Variants in UNC5D observed in about 807,000 individuals in gnomAD.
UNC5D encodes unc-5 netrin receptor D, also known as netrin receptor UNC5D.
Under a neutral mutation model 105.4 loss-of-function variants are expected in UNC5D, and 39 were observed. The ratio of observed to expected loss-of-function variants is 0.37; its 90% CI spans 0.29 to 0.48. UNC5D has a LOEUF of 0.48. Ranked by LOEUF, UNC5D falls within the 20% of genes least tolerant of loss-of-function variation. UNC5D has a pLI of 0.98. For missense variants in UNC5D, 991 were observed against 1,202.4 expected (o/e 0.82, Z 2.60); for synonymous variants, 452 against 450.4 (o/e 1.00, Z -0.04).
rs180977833 is a variant in UNC5D at position 35,606,233 on chromosome 8, A to C, written c.570+10576A>C. The stretch of plus-strand genomic sequence containing the variant: ...TAACTCCTGACCTCATGATCCACCC[A>C]GCTCATCCTCTCAAAGTGCCAGGAT... On this transcript the variant is annotated intron_variant, in intron 4 of 16. Coordinates refer to ENST00000404895, the MANE Select transcript of UNC5D (RefSeq NM_080872.4). Among the ~76,000 whole-genome samples the C allele has an allele frequency of 2.4e-4, 36 of 152,136 alleles. 1 individual carries two copies. In the East Asian group the frequency reaches 6.6e-3, roughly 28 times the overall value.
chr8:35,413,780 T>C (rs1340685864), intron 1 of UNC5D, among the ~76,000 whole-genome samples: 2 of 152,016 alleles, frequency 1.3e-5, no homozygotes, highest in Non-Finnish European at 2.9e-5. Context: ...TCACAGAAAG[T>C]GGATGAAAAA....
intron 14 of UNC5D, among the ~76,000 whole-genome samples, chr8:35,764,606 T>TG (rs1439611892): frequency 2.0e-5 from 3 of 152,112 alleles, no homozygotes; most frequent in African/African-American, 4.8e-5. Context: ...GCCCCACAAA[T>TG]CAGAAATGCC....
intron 1 of UNC5D, among the ~76,000 whole-genome samples, chr8:35,355,214 C>CT (rs577828904): frequency 6.6e-4 from 101 of 151,960 alleles, no homozygotes; most frequent in African/African-American, 1.5e-3. Flanking sequence ...CAAACTCCCC[C>CT]TTTTTTTTGA....
chr8:35,589,406 C>CTTT (rs34226092), intron 3 of UNC5D, among the ~76,000 whole-genome samples: 1 of 136,334 alleles, frequency 7.3e-6, no homozygotes, highest in Non-Finnish European at 1.6e-5. Context: ...GAGCTCTCAT[C>CTTT]TTTTTTTTTT....
At chr8:35,614,387 C>T (rs958513648) in intron 4 of UNC5D, among the ~76,000 whole-genome samples, 3 of 152,030 alleles carry the variant, frequency 2.0e-5, no homozygotes, top group Admixed American at 6.5e-5. Flanking sequence ...TGGGGGTGTC[C>T]ATGTTCTGAA....
chr8:35,252,172 A>G (rs1803753521), intron 1 of UNC5D, among the ~76,000 whole-genome samples: 1 of 151,988 alleles, frequency 6.6e-6, no homozygotes, highest in Non-Finnish European at 1.5e-5. Flanking sequence ...ACAGGCGCCA[A>G]TGGTTCTTTA....
intron 4 of UNC5D, among the ~76,000 whole-genome samples, chr8:35,612,723 C>CTTTTTTTTCTTT (rs1820766374): frequency 1.5e-5 from 1 of 64,744 alleles, no homozygotes; most frequent in Non-Finnish European, 2.6e-5. Context: ...AATGTTTTGC[C>CTTTTTTTTCTTT]TTTTTTTTTT....
chr8:35,281,046 G>T (rs967749476), intron 1 of UNC5D, among the ~76,000 whole-genome samples: 1 of 151,918 alleles, frequency 6.6e-6, no homozygotes, highest in African/African-American at 2.4e-5. Context: ...TTCTGTTCCC[G>T]TTGCCGGAAC....
intron 4 of UNC5D, among the ~76,000 whole-genome samples, chr8:35,639,830 T>C (rs1334423032): frequency 6.6e-6 from 1 of 152,008 alleles, no homozygotes; most frequent in Non-Finnish European, 1.5e-5. Context: ...CTGCAACCTC[T>C]GCCTCTTGAG....
intron 1 of UNC5D, among the ~76,000 whole-genome samples, chr8:35,401,445 C>T (rs150685973): frequency 4.0e-4 from 61 of 152,302 alleles, no homozygotes; most frequent in African/African-American, 1.4e-3. Flanking sequence ...GATCCGGCCA[C>T]TGCACTCCAG....
At chr8:35,549,552 T>C (rs1815951714) in intron 2 of UNC5D, 42 bp downstream of exon 2, 1 of 1,569,600 alleles carries the variant, frequency 6.4e-7, no homozygotes, top group Admixed American at 1.8e-5. Context: ...GGTGACTCTT[T>C]AGGTTCTCCT....
intron 3 of UNC5D, among the ~76,000 whole-genome samples, chr8:35,592,939 C>T (rs920788783): frequency 2.0e-5 from 3 of 151,742 alleles, no homozygotes; most frequent in Non-Finnish European, 2.9e-5. Context: ...GTTGGATTGG[C>T]CTTTTCTTCT....
intron 1 of UNC5D, among the ~76,000 whole-genome samples, chr8:35,458,894 A>G (rs1224918287): frequency 6.6e-6 from 1 of 152,170 alleles, no homozygotes; most frequent in Non-Finnish European, 1.5e-5. Context: ...GCATCCTATA[A>G]AGACCAAGAC....
chr8:35,493,735 G>A lies in UNC5D; in HGVS notation c.104-55557G>A, dbSNP rs576791328. ...AGAATATTATTGTGTTTTTCTATAT[G>A]AAGTTTGTTTTGTAGAATGCTTTAA... On this transcript the variant is annotated intron_variant, in intron 1 of 16. Transcript: ENST00000404895. Among the ~76,000 whole-genome samples, 4 of 152,202 alleles carry A rather than the reference G, an allele frequency of 2.6e-5. No individual in the cohort carries two copies. The South Asian group carries it at 8.3e-4, about 32-fold the overall frequency.
chr8:35,393,609 TAG>T (rs1803921332), intron 1 of UNC5D, among the ~76,000 whole-genome samples: 1 of 152,200 alleles, frequency 6.6e-6, no homozygotes, highest in South Asian at 2.1e-4. Flanking sequence ...AGACACACTG[TAG>T]ATAGTACTCA....
chr8:35,682,661 G>T (rs1362415601), intron 4 of UNC5D, among the ~76,000 whole-genome samples: 1 of 152,202 alleles, frequency 6.6e-6, no homozygotes, highest in African/African-American at 2.4e-5. Flanking sequence ...GAGGTGCTCA[G>T]GGTGGTATAT....
At chr8:35,380,447 T>G (rs1802978185) in intron 1 of UNC5D, among the ~76,000 whole-genome samples, 1 of 152,152 alleles carries the variant, frequency 6.6e-6, no homozygotes, top group Admixed American at 6.5e-5. Context: ...CAGACATATA[T>G]AAACATTATG....
chr8:35,620,223 ATCCT>A (rs1821276775), intron 4 of UNC5D, among the ~76,000 whole-genome samples: 1 of 152,156 alleles, frequency 6.6e-6, no homozygotes, highest in Admixed American at 6.5e-5. Context: ...ACATGCTGAG[ATCCT>A]TCCATTTACC....
chr8:35,624,246 G>A (rs1271437368), intron 4 of UNC5D, among the ~76,000 whole-genome samples: 1 of 152,288 alleles, frequency 6.6e-6, no homozygotes. Context: ...GAAGAGTGCT[G>A]TATGGCGTAT....
Sources: allele counts gnomAD v4.1 joint callset (sites outside exome capture counted in the v4.1 genomes callset), GRCh38; gene constraint gnomAD v4.1.1; transcripts MANE v1.5; gene names NCBI Gene and HGNC (gene_info 2026-07-23, HGNC 2026-07-21).